ANOS1: variants seen among roughly 807,000 people sequenced by gnomAD.
The protein encoded by ANOS1 is anosmin 1.
Under a neutral mutation model 59.0 loss-of-function variants are expected in ANOS1, and 6 were observed. The ratio of observed to expected loss-of-function variants is 0.10; its 90% CI spans 0.06 to 0.20. ANOS1 has a LOEUF of 0.20. Ranked by LOEUF, ANOS1 falls within the 10% of genes least tolerant of loss-of-function variation. The probability of loss-of-function intolerance (pLI) is 1.00; values close to 1 mark genes in which losing one functional copy is unlikely to be tolerated. For synonymous variants in ANOS1, 217 were observed against 223.4 expected (o/e 0.97, Z 0.25); for missense variants, 433 against 542.3 (o/e 0.80, Z 2.00).
chrX:8,642,351 T>C (rs185643957), intron 2 of ANOS1, among the ~76,000 whole-genome samples: 161 of 110,720 alleles, frequency 1.5e-3, no homozygotes, highest in African/African-American at 5.2e-3. Context: ...AGTGGATATG[T>C]AGGACTGAAG....
At chrX:8,705,436 A>G (rs1438743159) in intron 1 of ANOS1, among the ~76,000 whole-genome samples, 1 of 111,481 alleles carries the variant, frequency 9.0e-6, no homozygotes, top group Admixed American at 9.6e-5. Flanking sequence ...AATTGCCCCC[A>G]TGCCAAGGTT....
chrX:8,729,486 C>T (rs138211546), intron 1 of ANOS1, among the ~76,000 whole-genome samples: 3,373 of 94,781 alleles, frequency 0.036, 64 homozygotes, highest in African/African-American at 0.065. Context: ...GCAACCGCTG[C>T]CTCCCGGGTT....
intron 3 of ANOS1, among the ~76,000 whole-genome samples, chrX:8,600,915 G>C (rs904381744): frequency 1.8e-5 from 2 of 112,309 alleles, no homozygotes; most frequent in African/African-American, 3.2e-5. Context: ...ATTAGGCCGG[G>C]CGTGGTGGCT....
intron 1 of ANOS1, among the ~76,000 whole-genome samples, chrX:8,730,035 AAGG>A (rs775088632): frequency 1.8e-5 from 2 of 111,831 alleles, no homozygotes; most frequent in African/African-American, 6.5e-5. Context: ...AAATCATGCC[AAGG>A]AGACCACAAG....
intron 1 of ANOS1, among the ~76,000 whole-genome samples, chrX:8,719,970 C>T (rs1478373731): frequency 3.6e-5 from 4 of 111,617 alleles, no homozygotes; most frequent in Non-Finnish European, 7.5e-5. Flanking sequence ...TTTAAAGCTT[C>T]GGGGATTAAA....
intron 2 of ANOS1, among the ~76,000 whole-genome samples, chrX:8,692,118 T>C (rs1043112097): frequency 5.4e-5 from 6 of 111,987 alleles, no homozygotes; most frequent in Non-Finnish European, 1.1e-4. Context: ...AAATCCAGGT[T>C]GCCATCTGTT....
intron 2 of ANOS1, among the ~76,000 whole-genome samples, chrX:8,650,486 G>A (rs1931833459): frequency 1.8e-5 from 2 of 112,133 alleles, no homozygotes; most frequent in Non-Finnish European, 3.8e-5. Flanking sequence ...GCTAGGCCAA[G>A]GTGGGCGGAT....
At chrX:8,627,252 C>T (rs1931412144) in intron 2 of ANOS1, among the ~76,000 whole-genome samples, 1 of 112,510 alleles carries the variant, frequency 8.9e-6, no homozygotes. Context: ...AAATATGCTG[C>T]TACATGTGTA....
intron 4 of ANOS1, among the ~76,000 whole-genome samples, chrX:8,593,185 A>C (rs2146823593): frequency 8.9e-6 from 1 of 112,268 alleles, no homozygotes; most frequent in East Asian, 2.8e-4. Context: ...TTGCCCACTT[A>C]AAGAGTATTG....
At chrX:8,537,033 A>T in intron 10 of ANOS1, 91 bp from the exon 11 acceptor site, 1 of 803,279 alleles carries the variant, frequency 1.2e-6, no homozygotes. Flanking sequence ...TCCATCCAAC[A>T]AGGATGTTTT....
At position 8,593,163 on chromosome X, in the gene ANOS1, T is replaced by C. The variant is rs190592960; in HGVS notation, c.541+3871A>G. Among the ~76,000 whole-genome samples the C allele has an allele frequency of 8.4e-3, 938 of 112,074 alleles. 19 individuals carry two copies. Among genetic ancestry groups the C allele is most frequent in the African/African-American group, 0.029 (890 of 30,905 alleles). ...GGTAAATGTCCATTTATTTAAAGGT[T>C]AGAAAAACAATTTGCCCACTTAAAG... On this transcript the variant is annotated intron_variant, in intron 4 of 13. Transcript: ENST00000262648.
intron 1 of ANOS1, among the ~76,000 whole-genome samples, chrX:8,701,975 C>A (rs1408759206): frequency 8.9e-6 from 1 of 111,799 alleles, no homozygotes; most frequent in East Asian, 2.8e-4. Flanking sequence ...TTCTTCTCAG[C>A]CTTAACTCCT....
At chrX:8,668,298 C>T (rs991750382) in intron 2 of ANOS1, among the ~76,000 whole-genome samples, 2 of 104,863 alleles carry the variant, frequency 1.9e-5, no homozygotes, top group African/African-American at 6.9e-5. Context: ...TTTTCCATTC[C>T]TGAGTTACTT....
intron 4 of ANOS1, among the ~76,000 whole-genome samples, chrX:8,595,669 T>C (rs1254459353): frequency 8.9e-6 from 1 of 111,793 alleles, no homozygotes; most frequent in East Asian, 2.8e-4. Flanking sequence ...AATATGGATT[T>C]GGCATGTGTA....
intron 2 of ANOS1, among the ~76,000 whole-genome samples, chrX:8,667,877 A>G (rs1236295156): frequency 9.0e-6 from 1 of 110,981 alleles, no homozygotes; most frequent in African/African-American, 3.3e-5. Flanking sequence ...TGAATTGTAG[A>G]GCCAGATGGA....
intron 6 of ANOS1, among the ~76,000 whole-genome samples, chrX:8,582,575 T>G (rs753894380): frequency 1.2e-4 from 13 of 111,461 alleles, no homozygotes; most frequent in South Asian, 3.8e-4. Context: ...GCTGGGACAC[T>G]TTGAGCAAAA....
chrX:8,569,388 A>G (rs1232201883), intron 7 of ANOS1, among the ~76,000 whole-genome samples: 1 of 112,709 alleles, frequency 8.9e-6, no homozygotes, highest in Non-Finnish European at 1.9e-5. Flanking sequence ...CACGCCTGTA[A>G]TCCCAGCACT....
Position 8,594,711 on chromosome X carries a change from C to T in ANOS1, c.541+2323G>A, listed in dbSNP as rs192188738. Among the ~76,000 whole-genome samples the T allele has an allele frequency of 4.5e-3, 142 of 31,227 alleles. 2 individuals are homozygous for T. Among genetic ancestry groups the T allele is most frequent in the Middle Eastern group, 0.024 (1 of 42 alleles). 27.1% of individuals were successfully genotyped at this position (31,227 alleles called of 115,157 possible). ...ATATATATATATACACATATATATACACATATATATATCTACATATATATG... is the reference window on the plus strand; with the variant it reads ...ATATATATATATACACATATATATATACATATATATATCTACATATATATG... On this transcript the variant is annotated intron_variant, in intron 4 of 13. Transcript: ENST00000262648.
chrX:8,609,010 T>C (rs12389588), intron 3 of ANOS1, among the ~76,000 whole-genome samples: 41,482 of 111,096 alleles, frequency 0.37, 5,540 homozygotes, highest in South Asian at 0.43. Flanking sequence ...CTAATGTACA[T>C]AGAACATAGT....
Sources: allele counts gnomAD v4.1 joint callset (sites outside exome capture counted in the v4.1 genomes callset), GRCh38; gene constraint gnomAD v4.1.1; transcripts MANE v1.5; gene names NCBI Gene and HGNC (gene_info 2026-07-23, HGNC 2026-07-21).